The following TNS3 variants were observed in gnomAD, a reference collection of about 807,000 sequenced individuals.
TNS3 encodes the protein tensin-3.
In TNS3, 45 loss-of-function variants were observed where a neutral mutation model predicts 140.9. The observed-to-expected ratio is 0.32, with a 90% CI of 0.25 to 0.41. TNS3 has a LOEUF of 0.41. TNS3 is among the 10% of genes least tolerant of loss of function. The pLI, the probability that TNS3 is intolerant of heterozygous loss-of-function variation, is 1.00. For missense variants in TNS3, 1,716 were observed against 1,906.7 expected, an observed-to-expected ratio of 0.90 and a Z score of 1.86; for synonymous variants, 815 against 788.4, an observed-to-expected ratio of 1.03 and a Z score of -0.56.
At chr7:47,396,627 C>T (rs542409023) in intron 16 of TNS3, 173 bp downstream of exon 16, 64 of 634,326 alleles carry the variant, frequency 1.0e-4, no homozygotes, top group East Asian at 9.8e-4. Context: ...CTTATTCTCA[C>T]GAAGACCCTC....
At chr7:47,400,563 C>T in intron 14 of TNS3, 105 bp from the exon 15 acceptor site, 1 of 1,310,394 alleles carries the variant, frequency 7.6e-7, no homozygotes, top group Non-Finnish European at 1.1e-6. Flanking sequence ...ACTCCCAAAT[C>T]TGCAATAAAG....
intron 12 of TNS3, 93 bp from the exon 13 acceptor site, chr7:47,411,895 T>A (rs1364781555): frequency 4.2e-6 from 5 of 1,177,646 alleles, no homozygotes; most frequent in Non-Finnish European, 4.9e-6. Context: ...AACCCAAAAC[T>A]CAGAAATTAC....
chr7:47,286,324 G>A (rs910960593), intron 27 of TNS3, among the ~76,000 whole-genome samples: 1 of 152,120 alleles, frequency 6.6e-6, no homozygotes, highest in Non-Finnish European at 1.5e-5. Context: ...CAGGAACTAT[G>A]TCATCATTCC....
At chr7:47,453,757 G>A (rs1584695873) in intron 4 of TNS3, among the ~76,000 whole-genome samples, 1 of 152,206 alleles carries the variant, frequency 6.6e-6, no homozygotes, top group Non-Finnish European at 1.5e-5. Context: ...GATGGAGGCC[G>A]GATACACGGC....
chr7:47,437,201 G>T, intron 7 of TNS3, 62 bp downstream of exon 7: 2 of 1,166,252 alleles, frequency 1.7e-6, no homozygotes, highest in Non-Finnish European at 2.5e-6. Flanking sequence ...AATTATTTTT[G>T]CACAAAATAA....
At position 47,369,295 on chromosome 7, in the gene TNS3, A is replaced by T; in HGVS notation, c.1351T>A (p.Tyr451Asn). Reference sequence around the variant, plus strand: ...GGCACCACGTGGCGGGTCCCACTGTACTTGCTTCGAGCATCAGTCATTTCC... The same window carrying T: ...GGCACCACGTGGCGGGTCCCACTGTTCTTGCTTCGAGCATCAGTCATTTCC... ...LKEMTDARSK[Y>N]SGTRHVVPAQ... is the part of the protein sequence containing the mutation. The change falls in exon 17 of 31, where the codon TAC becomes AAC. Residue 451 changes from tyrosine to asparagine, a missense_variant. Around this residue, in one of 3 missense-constraint regions of TNS3, gnomAD observed 1,163 missense variants for 1,182.1 expected, o/e 0.98. Transcript: ENST00000311160. The T allele has an allele frequency of 2.5e-6, 4 of 1,614,096 alleles. No individual in the cohort carries two copies. The highest frequency in any genetic ancestry group is 3.4e-6 in the Non-Finnish European group (4 of 1,180,024).
chr7:47,447,186 G>A (rs2151610207), intron 4 of TNS3, among the ~76,000 whole-genome samples: 1 of 152,318 alleles, frequency 6.6e-6, no homozygotes, highest in East Asian at 1.9e-4. Context: ...GAAAAGTGAG[G>A]AGAGGCATTC....
chr7:47,386,787 A>C (rs977683056), intron 16 of TNS3, among the ~76,000 whole-genome samples: 5 of 152,252 alleles, frequency 3.3e-5, no homozygotes, highest in Non-Finnish European at 2.9e-5. Flanking sequence ...AAGTCTGAAG[A>C]TCCATTAAAG....
upstream of TNS3, chr7:47,582,545 T>C: frequency 4.4e-6 from 2 of 454,390 alleles, no homozygotes; most frequent in South Asian, 3.1e-5. Context: ...GCTCATAGCC[T>C]AGTGGGAGTC....
At chr7:47,415,986 T>C (rs6946000) in intron 10 of TNS3, among the ~76,000 whole-genome samples, 12,166 of 152,336 alleles carry the variant, frequency 0.08, 1,153 homozygotes, top group African/African-American at 0.23. Context: ...CCAAGCTCTC[T>C]GACGCTTCCC....
chr7:47,559,941 G>A (rs919919397), intron 1 of TNS3, among the ~76,000 whole-genome samples: 2 of 152,168 alleles, frequency 1.3e-5, no homozygotes, highest in Non-Finnish European at 2.9e-5. Flanking sequence ...CACCTAGCAT[G>A]AAGGGATTCA....
intron 1 of TNS3, among the ~76,000 whole-genome samples, chr7:47,529,413 G>C (rs1799314636): frequency 6.6e-6 from 1 of 152,202 alleles, no homozygotes; most frequent in African/African-American, 2.4e-5. Flanking sequence ...GGGGTGCCTA[G>C]AAACATTACA....
At chr7:47,419,375 T>C (rs982577069) in intron 10 of TNS3, among the ~76,000 whole-genome samples, 3 of 152,136 alleles carry the variant, frequency 2.0e-5, no homozygotes, top group Non-Finnish European at 4.4e-5. Context: ...TGAAGTAAAA[T>C]AGCCTTTGCA....
intron 20 of TNS3, among the ~76,000 whole-genome samples, chr7:47,344,263 C>G (rs537592907): frequency 6.6e-6 from 1 of 152,234 alleles, no homozygotes; most frequent in South Asian, 2.1e-4. Flanking sequence ...GACAGACGGA[C>G]GCGATCAGGC....
chr7:47,485,167 T>C (rs1797564553), intron 3 of TNS3, among the ~76,000 whole-genome samples: 1 of 152,114 alleles, frequency 6.6e-6, no homozygotes, highest in South Asian at 2.1e-4. Context: ...GCCTGCTCTG[T>C]AACATGATGC....
chr7:47,511,849 G>C (rs572371722), intron 2 of TNS3, among the ~76,000 whole-genome samples: 1 of 152,292 alleles, frequency 6.6e-6, no homozygotes, highest in East Asian at 1.9e-4. Flanking sequence ...CAGGCACACT[G>C]CCCGGAGCCT....
chr7:47,438,163 C>T (rs1795283651), intron 6 of TNS3, among the ~76,000 whole-genome samples: 1 of 152,218 alleles, frequency 6.6e-6, no homozygotes, highest in Admixed American at 6.5e-5. Flanking sequence ...GGGGGCTTGT[C>T]CTGGTCACCC....
intron 20 of TNS3, among the ~76,000 whole-genome samples, chr7:47,320,949 C>G (rs1248155221): frequency 6.6e-6 from 1 of 152,168 alleles, no homozygotes; most frequent in Non-Finnish European, 1.5e-5. Flanking sequence ...GGCAAGCACT[C>G]GAAAGATCCA....
chr7:47,346,054 G>A (rs989171381), intron 18 of TNS3, 133 bp downstream of exon 18: 45 of 1,200,590 alleles, frequency 3.7e-5, no homozygotes, highest in Admixed American at 1.9e-4. Context: ...AAACCAGGAC[G>A]GAAGGTGGGT....
Sources: gnomAD v4.1 joint callset for allele counts (sites outside exome capture counted in the v4.1 genomes callset) on GRCh38, gnomAD v4.1.1 for gene constraint, gnomAD v4.1.1 regional missense constraint, MANE v1.5 for transcripts, NCBI Gene and HGNC (gene_info 2026-07-23, HGNC 2026-07-21) for gene names.